CELF2: variants seen among roughly 807,000 people sequenced by gnomAD.
CELF2 encodes the protein CUGBP Elav-like family member 2, also known as CUG triplet repeat RNA-binding protein 2.
CELF2 carries 8 observed loss-of-function variants against 62.6 expected under a neutral mutation model. The observed-to-expected ratio is 0.13, with a 90% confidence interval of 0.07 to 0.23. CELF2 has a LOEUF of 0.23. Among genes scored for constraint, CELF2 ranks in the 10% least tolerant of loss-of-function variants. The pLI is 1.00. For missense variants in CELF2, 333 were observed against 671.0 expected (o/e 0.50, Z 5.56); for synonymous variants, 258 against 250.0 (o/e 1.03, Z -0.30).
At chr10:11,085,239 G>C (rs1464908938) in intron 1 of CELF2, among the ~76,000 whole-genome samples, 1 of 152,160 alleles carries the variant, frequency 6.6e-6, no homozygotes, top group Non-Finnish European at 1.5e-5. Flanking sequence ...GTTCTTTACA[G>C]ACAAGAAAAC....
At chr10:11,066,239 ATTTT>A (rs1236924662) in intron 1 of CELF2, among the ~76,000 whole-genome samples, 1 of 151,168 alleles carries the variant, frequency 6.6e-6, no homozygotes, top group Non-Finnish European at 1.5e-5. Flanking sequence ...GATAACTACT[ATTTT>A]TTTTTCTTAA....
chr10:11,141,070 G>A (rs17377096), intron 1 of CELF2, among the ~76,000 whole-genome samples: 6,695 of 152,250 alleles, frequency 0.044, 166 homozygotes, highest in Middle Eastern at 0.048. Context: ...CATTCATTGA[G>A]TACAATTTTT....
chr10:11,050,576 C>G (rs1012943904), intron 1 of CELF2, among the ~76,000 whole-genome samples: 2 of 152,206 alleles, frequency 1.3e-5, no homozygotes, highest in African/African-American at 2.4e-5. Context: ...CAGACACTTT[C>G]TGTGCATTCT....
At chr10:10,911,986 G>A (rs1004484827) in intron 1 of CELF2, among the ~76,000 whole-genome samples, 7 of 152,200 alleles carry the variant, frequency 4.6e-5, no homozygotes, top group African/African-American at 1.7e-4. Context: ...TGTTTTAGCT[G>A]ATCAGCATTT....
chr10:10,773,313 A>T, the CELF2 span, among the ~76,000 whole-genome samples: 1 of 152,256 alleles, frequency 6.6e-6, no homozygotes, highest in Non-Finnish European at 1.5e-5. Flanking sequence ...ACAAACAAAA[A>T]GCTATGAAAA....
chr10:11,022,179 C>T (rs1371510498), intron 1 of CELF2, among the ~76,000 whole-genome samples: 2 of 152,054 alleles, frequency 1.3e-5, no homozygotes, highest in Admixed American at 6.5e-5. Flanking sequence ...AAAGACTTTG[C>T]GTATGGTTCT....
chr10:10,514,599 C>A, the CELF2 span, among the ~76,000 whole-genome samples: 6 of 152,056 alleles, frequency 3.9e-5, no homozygotes, highest in Non-Finnish European at 7.4e-5. Context: ...ACAGGATAAG[C>A]CTGGGAGAGA....
the CELF2 span, among the ~76,000 whole-genome samples, chr10:10,479,568 T>G: frequency 6.6e-6 from 1 of 152,192 alleles, no homozygotes; most frequent in Non-Finnish European, 1.5e-5. Flanking sequence ...TCACCTTTTC[T>G]ATAATTCTCA....
the CELF2 span, among the ~76,000 whole-genome samples, chr10:10,715,879 G>A: frequency 6.6e-6 from 1 of 152,214 alleles, no homozygotes; most frequent in African/African-American, 2.4e-5. Flanking sequence ...TGACCAGGAA[G>A]TTAGTTCCTG....
chr10:11,123,084 G>A (rs891740622), intron 1 of CELF2, among the ~76,000 whole-genome samples: 6 of 150,714 alleles, frequency 4.0e-5, no homozygotes, highest in Admixed American at 1.3e-4. Context: ...AGTTCCTCCC[G>A]GTCCTCAGTC....
the CELF2 span, among the ~76,000 whole-genome samples, chr10:10,709,692 AG>A: frequency 1.3e-5 from 2 of 152,236 alleles, 1 homozygote. Flanking sequence ...ACTGTTTAAC[AG>A]GAAAAGGGCG....
chr10:10,869,285 G>A (rs2060575929), intron 1 of CELF2, among the ~76,000 whole-genome samples: 1 of 152,060 alleles, frequency 6.6e-6, no homozygotes, highest in Non-Finnish European at 1.5e-5. Flanking sequence ...AATAACAGGT[G>A]GGGCGCGGTG....
chr10:10,955,216 C>T (rs1200354434), intron 2 of CELF2, among the ~76,000 whole-genome samples: 3 of 152,224 alleles, frequency 2.0e-5, no homozygotes, highest in African/African-American at 4.8e-5. Context: ...CTCAAGGCCA[C>T]GTGGCTAAGA....
chr10:11,178,271 C>A lies in CELF2; in HGVS notation c.271+12589C>A, dbSNP rs995221945. 3.9e-5 allele frequency among the ~76,000 whole-genome samples: 6 copies of A among 152,216 alleles called. No homozygotes were observed. The highest frequency in any genetic ancestry group is 1.4e-4 in the African/African-American group (6 of 41,454). ...CTGTCTAATGGGAACTGGACGGTGA[C>A]CACCAGTCCGTTTTACACAGGCCAC... is the stretch of plus-strand genomic sequence containing the variant. On this transcript the variant is annotated intron_variant, in intron 2 of 12. Coordinates refer to ENST00000633077, the MANE Select transcript of CELF2 (RefSeq NM_001326342.2). The surrounding 1 kb of genome is among the most constrained non-coding windows in gnomAD (Gnocchi z 4.3).
At chr10:10,686,692 AC>A in the CELF2 span, among the ~76,000 whole-genome samples, 37 of 152,160 alleles carry the variant, frequency 2.4e-4, no homozygotes, top group African/African-American at 6.5e-4. Flanking sequence ...TGCCTGTTTC[AC>A]CTTCCGCCAT....
At chr10:11,104,458 A>G (rs1232656585) in intron 1 of CELF2, among the ~76,000 whole-genome samples, 1 of 152,222 alleles carries the variant, frequency 6.6e-6, no homozygotes, top group Non-Finnish European at 1.5e-5. Context: ...TGGAAGGCCA[A>G]GGCAGGAGAA....
At chr10:10,753,034 C>T in the CELF2 span, among the ~76,000 whole-genome samples, 2 of 152,188 alleles carry the variant, frequency 1.3e-5, no homozygotes, top group Middle Eastern at 3.4e-3. Flanking sequence ...GTAAAATCTA[C>T]GTTGTGGGTT....
rs751461743 is a variant in CELF2, at chr10:11,178,151, C to G, written c.271+12469C>G. On this transcript the variant is annotated intron_variant, in intron 2 of 12. Coordinates refer to ENST00000633077, the MANE Select transcript of CELF2 (RefSeq NM_001326342.2). The surrounding 1 kb of genome is among the most constrained non-coding windows in gnomAD (Gnocchi z 4.3). ...GCGTTATGGAGTAGGCAACCTGGTT[C>G]GGCGCAAAGAGGAAATGCGCGTTCT... 7.9e-5 allele frequency among the ~76,000 whole-genome samples: 12 copies of G among 152,212 alleles called. No individual in the cohort carries two copies. Among genetic ancestry groups the G allele is most frequent in the East Asian group, 1.9e-4 (1 of 5,196 alleles).
chr10:10,793,995 T>A (rs1016073585), upstream of CELF2, among the ~76,000 whole-genome samples: 9 of 152,160 alleles, frequency 5.9e-5, no homozygotes, highest in Non-Finnish European at 1.2e-4. Flanking sequence ...TTGGTATAAG[T>A]ATATCCCATG....
Sources: gnomAD v4.1 joint callset for allele counts (sites outside exome capture counted in the v4.1 genomes callset) on GRCh38, gnomAD v4.1.1 for gene constraint, Gnocchi (gnomAD v3.1) non-coding constraint, MANE v1.5 for transcripts, NCBI Gene and HGNC (gene_info 2026-07-23, HGNC 2026-07-21) for gene names.